Variants in DOCK9 observed in about 807,000 individuals in gnomAD.
DOCK9 encodes dedicator of cytokinesis protein 9.
A neutral mutation model predicts 263.3 loss-of-function variants in DOCK9; 89 were observed. That is an observed-to-expected ratio of 0.34 (90% confidence interval 0.28 to 0.40). DOCK9 has a LOEUF of 0.40. DOCK9 is among the 10% of genes least tolerant of loss of function. DOCK9 has a pLI of 1.00. For missense variants in DOCK9, 2,140 were observed against 2,603.4 expected (o/e 0.82, Z 3.87); for synonymous variants, 976 against 973.1 (o/e 1.00, Z -0.06).
At chr13:99,052,767 CTT>C (rs538480665) in intron 1 of DOCK9, among the ~76,000 whole-genome samples, 15 of 139,266 alleles carry the variant, frequency 1.1e-4, no homozygotes, top group Non-Finnish European at 7.9e-5. Context: ...CACCAGCCTT[CTT>C]TTTTTTTTTT....
At chr13:98,800,568 T>C (rs963243315) in intron 49 of DOCK9, 90 bp from the exon 50 acceptor site, 3 of 1,409,706 alleles carry the variant, frequency 2.1e-6, no homozygotes, top group Admixed American at 2.4e-5. Flanking sequence ...TTATTATACA[T>C]GTCATTATTA....
intron 49 of DOCK9, among the ~76,000 whole-genome samples, chr13:98,802,935 T>C (rs546523125): frequency 5.9e-5 from 9 of 152,324 alleles, no homozygotes; most frequent in African/African-American, 2.2e-4. Flanking sequence ...AGAACGCTCT[T>C]TCCCTTGCTT....
At chr13:99,077,273 AGTGTTG>A (rs530372131) in intron 1 of DOCK9, among the ~76,000 whole-genome samples, 1 of 152,260 alleles carries the variant, frequency 6.6e-6, no homozygotes, top group African/African-American at 2.4e-5. Context: ...CCAAATCCCC[AGTGTTG>A]GAGGAGGGGC....
chr13:98,861,975 T>C (rs2093884802), intron 32 of DOCK9, among the ~76,000 whole-genome samples: 1 of 152,206 alleles, frequency 6.6e-6, no homozygotes, highest in Non-Finnish European at 1.5e-5. Flanking sequence ...AGCACGTTAC[T>C]GTTATAACTG....
chr13:98,869,113 T>C (rs530679392), intron 27 of DOCK9, among the ~76,000 whole-genome samples: 22 of 152,312 alleles, frequency 1.4e-4, no homozygotes, highest in African/African-American at 4.8e-4. Context: ...ATATTCAAAC[T>C]GAAAATACGG....
At position 98,885,098 on chromosome 13, in the gene DOCK9, G is replaced by C. The variant is rs749545319; in HGVS notation, c.2261-6C>G. The C allele has an allele frequency of 7.4e-6, 12 of 1,613,106 alleles. No homozygotes were observed. Among genetic ancestry groups the C allele is most frequent in the South Asian group, 2.2e-5 (2 of 90,930 alleles). On this transcript the variant is annotated splice_region_variant and splice_polypyrimidine_tract_variant and intron_variant, in intron 20 of 52. Coordinates refer to ENST00000682017, the MANE Select transcript of DOCK9 (RefSeq NM_001366683.2). ...GGGAAGCCAGGAGTAGCCAACTGTT[G>C]AAAACAAAGAACAACAACAACAACA...
chr13:98,823,672 A>G (rs887705498), intron 45 of DOCK9, among the ~76,000 whole-genome samples: 1 of 152,208 alleles, frequency 6.6e-6, no homozygotes, highest in African/African-American at 2.4e-5. Flanking sequence ...GCAGATAGGC[A>G]TGGAAAAGGA....
chr13:99,002,774 G>A (rs1342259789), intron 1 of DOCK9, among the ~76,000 whole-genome samples: 2 of 152,186 alleles, frequency 1.3e-5, no homozygotes, highest in Non-Finnish European at 2.9e-5. Flanking sequence ...TCTGTGGTAT[G>A]GAGGGAAAGA....
At chr13:99,019,738 G>A (rs1456946381) in intron 1 of DOCK9, among the ~76,000 whole-genome samples, 1 of 152,160 alleles carries the variant, frequency 6.6e-6, no homozygotes. Flanking sequence ...TGGCCAAGTG[G>A]AGGAGATCCA....
At position 98,886,191 on chromosome 13, in the gene DOCK9, A is replaced by G. The variant is rs528661109; in HGVS notation, c.2136+341T>C. 3.3e-5 allele frequency among the ~76,000 whole-genome samples: 5 copies of G among 152,352 alleles called. No individual in the cohort carries two copies. In the South Asian group the frequency reaches 8.3e-4, roughly 25 times the overall value. On this transcript the variant is annotated intron_variant, in intron 19 of 52. Coordinates refer to ENST00000682017, the MANE Select transcript of DOCK9 (RefSeq NM_001366683.2). ...GAATTACATTATATTTTATGTAAGC[A>G]AACCCAATGATAAGAAAGAAAGATT...
intron 45 of DOCK9, among the ~76,000 whole-genome samples, chr13:98,813,933 G>A (rs1309988843): frequency 2.6e-5 from 4 of 152,114 alleles, no homozygotes; most frequent in African/African-American, 7.2e-5. Context: ...GAGCCACTGC[G>A]CCCAGCCTTC....
chr13:98,890,432 T>C (rs1353314576), intron 15 of DOCK9, among the ~76,000 whole-genome samples: 1 of 152,178 alleles, frequency 6.6e-6, no homozygotes, highest in Non-Finnish European at 1.5e-5. Context: ...GCTGAAGCCT[T>C]TGCACTCCTC....
intron 22 of DOCK9, 81 bp downstream of exon 22, chr13:98,883,732 T>C (rs1164102701): frequency 3.4e-5 from 28 of 831,500 alleles, no homozygotes; most frequent in Non-Finnish European, 4.9e-5. Context: ...ATATAACACA[T>C]TAGGATTTTT....
chr13:98,872,652 C>T (rs2094218855), intron 27 of DOCK9, among the ~76,000 whole-genome samples: 1 of 152,180 alleles, frequency 6.6e-6, no homozygotes, highest in South Asian at 2.1e-4. Context: ...AGCGATTCTC[C>T]TACCTAGGCC....
chr13:98,827,386 G>A (rs1177961014), intron 43 of DOCK9, among the ~76,000 whole-genome samples: 1 of 152,136 alleles, frequency 6.6e-6, no homozygotes, highest in African/African-American at 2.4e-5. Context: ...TCTCAAATAG[G>A]TAACATTATA....
chr13:98,942,231 T>G (rs991687748), intron 2 of DOCK9, among the ~76,000 whole-genome samples: 2 of 116,264 alleles, frequency 1.7e-5, no homozygotes, highest in Non-Finnish European at 3.6e-5. Flanking sequence ...TTTTTTTTTT[T>G]GTTGTTTTTT....
chr13:99,018,052 T>C (rs753568010), intron 1 of DOCK9, among the ~76,000 whole-genome samples: 2 of 152,110 alleles, frequency 1.3e-5, no homozygotes, highest in Non-Finnish European at 2.9e-5. Context: ...AAAAGCTAAA[T>C]TTTAAAAAAA....
chr13:98,842,193 A>C (rs1313954332), intron 38 of DOCK9, among the ~76,000 whole-genome samples: 2 of 152,176 alleles, frequency 1.3e-5, no homozygotes, highest in Non-Finnish European at 2.9e-5. Context: ...GGGCCTGACA[A>C]GCCACGCCAT....
intron 1 of DOCK9, among the ~76,000 whole-genome samples, chr13:99,065,145 A>G (rs1186989845): frequency 6.6e-6 from 1 of 152,184 alleles, no homozygotes; most frequent in Non-Finnish European, 1.5e-5. Context: ...CTCCAAGCTC[A>G]CTGTGTGGAG....
Sources: gnomAD v4.1 joint callset for allele counts (sites outside exome capture counted in the v4.1 genomes callset) on GRCh38, gnomAD v4.1.1 for gene constraint, MANE v1.5 for transcripts, NCBI Gene and HGNC (gene_info 2026-07-23, HGNC 2026-07-21) for gene names.